Variants in OPA3 observed in about 807,000 individuals in gnomAD.
OPA3 encodes optic atrophy 3 protein.
In OPA3, 6 loss-of-function variants were observed where a neutral mutation model predicts 4.0. The observed-to-expected ratio is 1.51, with a 90% CI of 0.83 to 2.99. The LOEUF is 2.99. Ranked by LOEUF, OPA3 falls within the 30% of genes most tolerant of loss-of-function variation. OPA3 has a pLI of 0.00. For synonymous variants in OPA3, 105 were observed against 117.1 expected, an observed-to-expected ratio of 0.90 and a Z score of 0.67; for missense variants, 235 against 256.2, an observed-to-expected ratio of 0.92 and a Z score of 0.56.
At chr19:45,572,807 A>ATATATATAGATATATATATCATAC (rs1249253671) in intron 1 of OPA3, among the ~76,000 whole-genome samples, 1 of 141,864 alleles carries the variant, frequency 7.0e-6, no homozygotes, top group African/African-American at 2.6e-5. Context: ...ATATCATACT[A>ATATATATAGATATATATATCATAC]TATATATAGA....
rs149643149 is a variant in OPA3, at chr19:45,538,591, C to T, written c.143-9135G>A. The stretch of plus-strand genomic sequence containing the variant: ...TACAAAAATTAGCCAGGTGTGGTGG[C>T]GTGTGCCTGTAATTCCAGTTACTTG... On this transcript the variant is annotated intron_variant, in intron 1 of 1. Transcript: ENST00000323060. Among the ~76,000 whole-genome samples the T allele has an allele frequency of 2.3e-3, 350 of 151,944 alleles. 5 individuals carry two copies. In the East Asian group the frequency reaches 0.043, roughly 19 times the overall value.
chr19:45,564,260 G>A (rs1568406054), intron 1 of OPA3, among the ~76,000 whole-genome samples: 1 of 151,926 alleles, frequency 6.6e-6, no homozygotes, highest in Admixed American at 6.6e-5. Flanking sequence ...AGGTAACTGA[G>A]CCAGCAGGGA....
chr19:45,549,407 G>A lies in OPA3; in HGVS notation c.*4107C>T. On this transcript the variant is annotated 3_prime_UTR_variant, in exon 2 of 2. Coordinates refer to ENST00000263275, the MANE Select transcript of OPA3 (RefSeq NM_025136.4). ...GCTGAGTGCGAAGTCTCTGAGATGT[G>A]AGAGCAGCACTCCATCTGGGTCAGG... 1 of 985,318 alleles carries A rather than the reference G, an allele frequency of 1.0e-6. No homozygotes were observed. Among genetic ancestry groups the A allele is most frequent in the Non-Finnish European group, 1.2e-6 (1 of 829,912 alleles). 61.0% of individuals were successfully genotyped at this position (985,318 alleles called of 1,614,324 possible).
chr19:45,584,553 T>G (rs1453155477), intron 1 of OPA3, 70 bp downstream of exon 1: 5 of 1,608,030 alleles, frequency 3.1e-6, no homozygotes, highest in African/African-American at 2.7e-5. Flanking sequence ...CAGAAGTCCA[T>G]CCCCTAAGCA....
At position 45,584,286 on chromosome 19, in the gene OPA3, C is replaced by A. The variant is rs887432170; in HGVS notation, c.142+337G>T. On this transcript the variant is annotated intron_variant, in intron 1 of 1. Transcript: ENST00000263275. ...GACCCCGTCCGGTTTCTCCTCAGCC[C>A]CTCCCCTAGCTCCTCTATCCTGGAA... is the stretch of plus-strand genomic sequence containing the variant. 33 of 963,748 alleles carry A rather than the reference C, an allele frequency of 3.4e-5. No individual in the cohort carries two copies. In the East Asian group the frequency reaches 3.4e-4, roughly 10 times the overall value. 59.7% of individuals were successfully genotyped at this position (963,748 alleles called of 1,614,324 possible). A position where few individuals can be genotyped will look rare whatever the true frequency, so the allele number is the denominator to read the frequency against.
Position 45,549,495 on chromosome 19 carries a change from T to C in OPA3, c.*4019A>G. 1.0e-6 allele frequency: 1 copy of C among 985,270 alleles called. No individual in the cohort carries two copies. The highest frequency in any genetic ancestry group is 1.7e-5 in the African/African-American group (1 of 57,282). 61.0% of individuals were successfully genotyped at this position (985,270 alleles called of 1,614,324 possible). On this transcript the variant is annotated 3_prime_UTR_variant, in exon 2 of 2. Transcript: ENST00000263275. Reference sequence around the variant, plus strand: ...TTCACACTCCCACCTCTGTTTTTTTTTTTTGAGTTGAGTCTCACTCTGTCA... The same window carrying C: ...TTCACACTCCCACCTCTGTTTTTTTCTTTTGAGTTGAGTCTCACTCTGTCA...
At chr19:45,563,977 A>G (rs1365434246) in intron 1 of OPA3, among the ~76,000 whole-genome samples, 1 of 151,798 alleles carries the variant, frequency 6.6e-6, no homozygotes, top group African/African-American at 2.4e-5. Context: ...GGTGTGCACC[A>G]CTGTGCCTGA....
At chr19:45,560,652 G>T (rs2122460795) in intron 1 of OPA3, among the ~76,000 whole-genome samples, 2 of 152,206 alleles carry the variant, frequency 1.3e-5, no homozygotes, top group Middle Eastern at 3.4e-3. Context: ...CGGCCTCAGT[G>T]GCTGTCATTT....
At chr19:45,528,929 G>A in exon 2 of OPA3, 2 of 1,168,030 alleles carry the variant, frequency 1.7e-6, no homozygotes, top group Non-Finnish European at 2.4e-6. Context: ...GATCTCTCCG[G>A]CGCCCCCGAA....
intron 1 of OPA3, among the ~76,000 whole-genome samples, chr19:45,537,379 A>AGAG (rs1969129825): frequency 8.3e-6 from 1 of 120,746 alleles, no homozygotes. Flanking sequence ...CCTGGATGAC[A>AGAG]GAGCAAGACT....
At chr19:45,571,882 T>C (rs953542334) in intron 1 of OPA3, among the ~76,000 whole-genome samples, 1 of 152,176 alleles carries the variant, frequency 6.6e-6, no homozygotes. Context: ...CACCAACTGT[T>C]GTAGCTGTCC....
chr19:45,545,710 CTTTTTTTTTT>C (rs991429583), downstream of OPA3, among the ~76,000 whole-genome samples: 5 of 129,536 alleles, frequency 3.9e-5, no homozygotes, highest in African/African-American at 1.1e-4. Context: ...ACATGCTTTT[CTTTTTTTTTT>C]TTTTTTTTTT....
Position 45,572,359 on chromosome 19 carries a change from TGA to T in OPA3, c.142+12262_142+12263del, listed in dbSNP as rs1433100060. 5.4e-4 allele frequency among the ~76,000 whole-genome samples: 73 copies of T among 135,862 alleles called. 1 individual carries two copies. The highest frequency in any genetic ancestry group is 3.9e-4 in the Admixed American group (5 of 12,754). The allele number at this position is 135,862 out of a possible 152,430, so 89.1% of individuals were successfully genotyped here. ...TATATCTCATATATATCGACATATA[TGA>T]GATATATATCGATATATATCTCATA... On this transcript the variant is annotated intron_variant, in intron 1 of 1. Transcript: ENST00000263275.
At chr19:45,555,026 G>A (rs996897003) in intron 1 of OPA3, among the ~76,000 whole-genome samples, 6 of 152,122 alleles carry the variant, frequency 3.9e-5, no homozygotes, top group Admixed American at 6.6e-5. Context: ...ATCTGACCTC[G>A]TGATCCACCT....
chr19:45,536,456 G>A (rs1969119609), intron 1 of OPA3, among the ~76,000 whole-genome samples: 1 of 151,318 alleles, frequency 6.6e-6, no homozygotes, highest in African/African-American at 2.4e-5. Flanking sequence ...GCTGAGGCAG[G>A]ATAATTGCTT....
intron 1 of OPA3, among the ~76,000 whole-genome samples, chr19:45,572,487 T>C (rs1373471061): frequency 7.7e-6 from 1 of 129,200 alleles, no homozygotes; most frequent in African/African-American, 2.7e-5. Flanking sequence ...ATCATATATA[T>C]CGAGATATAT....
rs1291489730 is a variant in OPA3, at chr19:45,549,391, G to A, written c.*4123C>T. The A allele has an allele frequency of 7.1e-6, 7 of 985,040 alleles. No individual in the cohort carries two copies. The highest frequency in any genetic ancestry group is 2.3e-4 in the East Asian group (2 of 8,786). The allele number at this position is 985,040 out of a possible 1,614,324, so 61.0% of individuals were successfully genotyped here. On this transcript the variant is annotated 3_prime_UTR_variant, in exon 2 of 2. Coordinates refer to ENST00000263275, the MANE Select transcript of OPA3 (RefSeq NM_025136.4). ...GGCAGGGCAGGGCAGGGCTGAGTGC[G>A]AAGTCTCTGAGATGTGAGAGCAGCA...
At chr19:45,584,587 A>G in intron 1 of OPA3, 36 bp downstream of exon 1, 1 of 1,614,144 alleles carries the variant, frequency 6.2e-7, no homozygotes, top group Non-Finnish European at 8.5e-7. Flanking sequence ...GGTTGGAGAA[A>G]GGAAAAAGGT....
intron 1 of OPA3, among the ~76,000 whole-genome samples, chr19:45,583,318 A>AT (rs963879156): frequency 4.0e-5 from 6 of 150,636 alleles, no homozygotes; most frequent in Non-Finnish European, 7.4e-5. Context: ...CGCCCGGCTA[A>AT]TTTTTTTGTA....
Sources: gnomAD v4.1 joint callset for allele counts (sites outside exome capture counted in the v4.1 genomes callset) on GRCh38, gnomAD v4.1.1 for gene constraint, MANE v1.5 for transcripts, NCBI Gene and HGNC (gene_info 2026-07-23, HGNC 2026-07-21) for gene names.